The following PALM2AKAP2 variants were observed in gnomAD, a reference collection of about 807,000 sequenced individuals.
The protein encoded by PALM2AKAP2 is PALM2-AKAP2 fusion protein.
PALM2AKAP2 carries 37 observed loss-of-function variants against 71.5 expected under a neutral mutation model. That is an observed-to-expected ratio of 0.52 (90% CI 0.40 to 0.68). The LOEUF is 0.68. Ranked by LOEUF, PALM2AKAP2 falls within the 30% of genes least tolerant of loss-of-function variation. The probability of loss-of-function intolerance (pLI) is 0.00; values close to 1 mark genes in which losing one functional copy is unlikely to be tolerated. For synonymous variants in PALM2AKAP2, 468 were observed against 478.8 expected (o/e 0.98, Z 0.29); for missense variants, 1,224 against 1,191.8 (o/e 1.03, Z -0.40).
exon 1 of PALM2AKAP2, chr9:110,048,835 C>A: frequency 1.3e-6 from 2 of 1,530,656 alleles, no homozygotes; most frequent in Admixed American, 2.0e-5. Flanking sequence ...GGACTGCGCC[C>A]CCGGGAGCGG....
intron 1 of PALM2AKAP2, among the ~76,000 whole-genome samples, chr9:109,734,015 T>G (rs1398287126): frequency 2.0e-5 from 3 of 152,206 alleles, no homozygotes; most frequent in Non-Finnish European, 4.4e-5. Flanking sequence ...TTGAGTAATT[T>G]GATGAAAGAA....
At chr9:110,136,148 G>T in exon 2 of PALM2AKAP2, 1 of 1,590,686 alleles carries the variant, frequency 6.3e-7, no homozygotes, top group Non-Finnish European at 8.5e-7. Flanking sequence ...GCTTTCTGAG[G>T]ATGATATCTG....
intron 7 of PALM2AKAP2, among the ~76,000 whole-genome samples, chr9:110,040,971 G>T (rs1326215741): frequency 1.3e-5 from 2 of 152,174 alleles, no homozygotes; most frequent in African/African-American, 2.4e-5. Context: ...GAACTCTGGA[G>T]TGTTTACTAG....
chr9:110,064,544 C>T (rs1241191046), intron 1 of PALM2AKAP2, among the ~76,000 whole-genome samples: 8 of 152,152 alleles, frequency 5.3e-5, no homozygotes, highest in Admixed American at 5.2e-4. Context: ...GAGTTCAAGC[C>T]TGTGTAGTTA....
intron 5 of PALM2AKAP2, among the ~76,000 whole-genome samples, chr9:109,928,732 C>G (rs959661665): frequency 6.6e-6 from 1 of 150,578 alleles, no homozygotes; most frequent in Admixed American, 6.6e-5. Context: ...AGTGCAGTGG[C>G]GTGGTCTCAG....
intron 1 of PALM2AKAP2, among the ~76,000 whole-genome samples, chr9:109,684,673 T>A (rs1165068647): frequency 6.6e-6 from 1 of 152,164 alleles, no homozygotes; most frequent in Admixed American, 6.6e-5. Flanking sequence ...AAACAAAATT[T>A]AAAACACACA....
chr9:109,768,838 G>A (rs977370933), intron 1 of PALM2AKAP2, among the ~76,000 whole-genome samples: 7 of 152,138 alleles, frequency 4.6e-5, no homozygotes, highest in Admixed American at 2.0e-4. Context: ...TTTAAAAATA[G>A]ACCAGGCAAG....
At chr9:110,009,402 A>G (rs1188842488) in intron 6 of PALM2AKAP2, among the ~76,000 whole-genome samples, 1 of 152,064 alleles carries the variant, frequency 6.6e-6, no homozygotes, top group Non-Finnish European at 1.5e-5. Flanking sequence ...TTACTGTTAC[A>G]TTGTCTCCCT....
intron 5 of PALM2AKAP2, among the ~76,000 whole-genome samples, chr9:109,928,404 G>A (rs1349966000): frequency 6.6e-6 from 1 of 152,148 alleles, no homozygotes; most frequent in East Asian, 1.9e-4. Context: ...TACTCTATAA[G>A]TTACTGCTTT....
At chr9:109,895,355 G>A (rs1350046282) in intron 3 of PALM2AKAP2, among the ~76,000 whole-genome samples, 1 of 152,162 alleles carries the variant, frequency 6.6e-6, no homozygotes, top group Non-Finnish European at 1.5e-5. Flanking sequence ...TTTAATATTA[G>A]CCACACAGAT....
intron 1 of PALM2AKAP2, among the ~76,000 whole-genome samples, chr9:109,788,056 A>G (rs1264969919): frequency 6.6e-6 from 1 of 152,230 alleles, no homozygotes; most frequent in East Asian, 1.9e-4. Context: ...ATATCTTTTG[A>G]CATTAAATGA....
At chr9:109,763,495 G>T (rs1829094515) in intron 1 of PALM2AKAP2, among the ~76,000 whole-genome samples, 1 of 152,158 alleles carries the variant, frequency 6.6e-6, no homozygotes, top group Non-Finnish European at 1.5e-5. Flanking sequence ...ACTGTTTGGG[G>T]TGCCAAATGA....
chr9:109,974,943 A>G (rs577190698), intron 6 of PALM2AKAP2, among the ~76,000 whole-genome samples: 1 of 152,344 alleles, frequency 6.6e-6, no homozygotes, highest in East Asian at 1.9e-4. Flanking sequence ...CAAATGTCAC[A>G]TCTCCAGGGA....
intron 1 of PALM2AKAP2, among the ~76,000 whole-genome samples, chr9:109,790,906 A>G (rs892748328): frequency 1.3e-5 from 2 of 152,224 alleles, no homozygotes; most frequent in African/African-American, 4.8e-5. Context: ...CTAGGATAGC[A>G]GTGCTCCTGT....
chr9:110,058,070 GA>G (rs1833883873), intron 1 of PALM2AKAP2, among the ~76,000 whole-genome samples: 1 of 152,130 alleles, frequency 6.6e-6, no homozygotes, highest in African/African-American at 2.4e-5. Context: ...CACCAACAAA[GA>G]ATTATCCTGC....
At chr9:109,688,068 G>T (rs1342621455) in intron 1 of PALM2AKAP2, among the ~76,000 whole-genome samples, 1 of 152,182 alleles carries the variant, frequency 6.6e-6, no homozygotes, top group African/African-American at 2.4e-5. Flanking sequence ...AAACAATTAC[G>T]ATGGTAACAT....
chr9:109,895,502 G>A (rs915439946), intron 3 of PALM2AKAP2, among the ~76,000 whole-genome samples: 1 of 152,182 alleles, frequency 6.6e-6, no homozygotes, highest in Non-Finnish European at 1.5e-5. Context: ...GGAGAGATTT[G>A]TTTGATCTGG....
intron 6 of PALM2AKAP2, among the ~76,000 whole-genome samples, chr9:110,003,257 A>C (rs1432826314): frequency 6.6e-6 from 1 of 152,106 alleles, no homozygotes; most frequent in East Asian, 1.9e-4. Context: ...GTTTCAAAGA[A>C]CATCTTTATT....
chr9:110,090,270 T>A (rs1356000527), intron 1 of PALM2AKAP2: 1 of 443,022 alleles, frequency 2.3e-6, no homozygotes, highest in African/African-American at 2.0e-5. Context: ...GGCAGAGGGC[T>A]GTGTTCCTGT....
Sources: allele counts gnomAD v4.1 joint callset (sites outside exome capture counted in the v4.1 genomes callset), GRCh38; gene constraint gnomAD v4.1.1; transcripts MANE v1.5; gene names NCBI Gene and HGNC (gene_info 2026-07-23, HGNC 2026-07-21).